Variants in KIF2C observed in about 807,000 individuals in gnomAD.
The protein encoded by KIF2C is kinesin-like protein KIF2C.
A neutral mutation model predicts 97.4 loss-of-function variants in KIF2C; 34 were observed. The observed-to-expected ratio is 0.35, with a 90% CI of 0.27 to 0.46. The LOEUF is 0.46. Ranked by LOEUF, KIF2C falls within the 20% of genes least tolerant of loss-of-function variation. The probability of loss-of-function intolerance (pLI) is 1.00; values close to 1 mark genes in which losing one functional copy is unlikely to be tolerated. For synonymous variants in KIF2C, 313 were observed against 318.2 expected (o/e 0.98, Z 0.17); for missense variants, 750 against 907.6 (o/e 0.83, Z 2.23).
chr1:44,740,082 G>T, intron 1 of KIF2C, 80 bp downstream of exon 1: 1 of 1,514,322 alleles, frequency 6.6e-7, no homozygotes, highest in Non-Finnish European at 9.2e-7. Context: ...CGGACACACA[G>T]ATGGGCTTTC....
intron 2 of KIF2C, among the ~76,000 whole-genome samples, chr1:44,743,388 A>T (rs890943212): frequency 1.3e-5 from 2 of 152,114 alleles, no homozygotes; most frequent in African/African-American, 4.8e-5. Flanking sequence ...TGTTGTGAGG[A>T]TTTACTCAGC....
chr1:44,761,243 G>C (rs1212014835), intron 16 of KIF2C, among the ~76,000 whole-genome samples: 4 of 152,176 alleles, frequency 2.6e-5, no homozygotes, highest in African/African-American at 9.7e-5. Flanking sequence ...TTCTGACTAA[G>C]CTCTACCTAA....
chr1:44,758,291 G>A, intron 13 of KIF2C, 151 bp downstream of exon 13: 1 of 661,368 alleles, frequency 1.5e-6, no homozygotes, highest in East Asian at 2.8e-5. Flanking sequence ...ACATGTAGGT[G>A]GTTTAATCTG....
chr1:44,757,144 T>A (rs985970863), intron 10 of KIF2C, among the ~76,000 whole-genome samples: 2 of 152,060 alleles, frequency 1.3e-5, no homozygotes, highest in Non-Finnish European at 2.9e-5. Context: ...CTCAAACTCC[T>A]GAGTTCAGGT....
At chr1:44,761,628 A>C (rs189719588) in intron 16 of KIF2C, among the ~76,000 whole-genome samples, 1 of 151,670 alleles carries the variant, frequency 6.6e-6, no homozygotes, top group Admixed American at 6.6e-5. Context: ...AAGAAAAAAG[A>C]AAAAGATAGG....
In KIF2C at chr1:44,760,269, C is replaced by T. The variant is rs1199383167; in HGVS notation, c.1368-11C>T. On this transcript the variant is annotated splice_polypyrimidine_tract_variant and intron_variant, in intron 14 of 20. Coordinates refer to ENST00000372224, the MANE Select transcript of KIF2C (RefSeq NM_006845.4). This position sits in a 1 kb window ranked among gnomAD's most constrained non-coding sequence, Gnocchi z 4.2. ...GTGACCACAGAATCTCATAACCTTT[C>T]TTTACCACAGAACCTCTGGGCAGAC... 10 of 1,613,434 alleles carry T rather than the reference C, an allele frequency of 6.2e-6. No individual in the cohort carries two copies. The highest frequency in any genetic ancestry group is 8.5e-6 in the Non-Finnish European group (10 of 1,179,690).
chr1:44,748,955 C>T (rs1649365677), intron 4 of KIF2C, among the ~76,000 whole-genome samples: 1 of 152,012 alleles, frequency 6.6e-6, no homozygotes, highest in African/African-American at 2.4e-5. Context: ...GCTGGGACTA[C>T]AGGCACACAC....
intron 10 of KIF2C, 56 bp from the exon 11 acceptor site, chr1:44,757,500 C>T (rs1258415361): frequency 3.6e-6 from 4 of 1,111,270 alleles, no homozygotes; most frequent in Admixed American, 3.4e-5. Flanking sequence ...GGTGGCAGGA[C>T]ATGTTCCAGG....
intron 5 of KIF2C, 137 bp from the exon 6 acceptor site, chr1:44,752,995 A>AGCACAAGCTCT (rs1553155783): frequency 1.9e-6 from 2 of 1,071,026 alleles, no homozygotes; most frequent in East Asian, 5.0e-5. Flanking sequence ...TGAAGGGAAA[A>AGCACAAGCTCT]GCACAAGCTC....
At position 44,766,837 on chromosome 1, in the gene KIF2C, C is replaced by T. The variant is rs1318123195; in HGVS notation, c.1983C>T (p.Asp661=). 1 of 1,614,208 alleles carries T rather than the reference C, an allele frequency of 6.2e-7. No individual in the cohort carries two copies. The highest frequency in any genetic ancestry group is 8.5e-7 in the Non-Finnish European group (1 of 1,180,006). ...TCCCTGTGTTGTAGCAAGGACCAGA[C>T]TGGCTTGAGCTCTCTGAGATGACCG... ...ELKEIIQQGP[D]WLELSEMTEQ... Residue 661 remains aspartate (D), a synonymous_variant, in exon 20 of 21, where the codon GAC becomes GAT. Transcript: ENST00000372224.
intron 2 of KIF2C, 70 bp from the exon 3 acceptor site, chr1:44,747,307 CAAAAAAA>C: frequency 2.0e-6 from 2 of 989,804 alleles, no homozygotes; most frequent in South Asian, 1.5e-5. Flanking sequence ...TACTCTGTCT[CAAAAAAA>C]AAAAAAAAGA....
rs748657687 is a variant in KIF2C at position 44,753,772 on chromosome 1, T to G, written c.602T>G (p.Met201Arg). 6 of 1,610,426 alleles carry G rather than the reference T, an allele frequency of 3.7e-6. No homozygotes were observed. The highest frequency in any genetic ancestry group is 1.1e-5 in the South Asian group (1 of 90,742). The change falls in exon 7 of 21, where the codon ATG becomes AGG. Residue 201 changes from methionine (M) to arginine (R), a missense_variant. Transcript: ENST00000372224. ...KSCLVKEVEK[M>R]KNKREEKKAQ... ...TGTCTTGTGAAGGAAGTGGAAAAAA[T>G]GAAGAACAAGCGAGAAGAGAAGAAG... is the stretch of plus-strand genomic sequence containing the variant.
chr1:44,756,188 T>C lies in KIF2C; in HGVS notation c.928T>C (p.Cys310Arg), dbSNP rs778787050. ...AAAGTATCTGGAGAACCAAGCATTC[T>C]GCTTTGACTTTGCATTTGATGAAAC... ...LTKYLENQAF[C>R]FDFAFDETAS... The change falls in exon 10 of 21, where the codon TGC becomes CGC. Residue 310 changes from cysteine (C) to arginine (R), a missense_variant. By Grantham distance (180) the Cys-to-Arg change is radical (BLOSUM62 -3). Coordinates refer to ENST00000372224, the MANE Select transcript of KIF2C (RefSeq NM_006845.4). 1 of 1,614,266 alleles carries C rather than the reference T, an allele frequency of 6.2e-7. No individual in the cohort carries two copies. The highest frequency in any genetic ancestry group is 1.3e-5 in the African/African-American group (1 of 75,076).
intron 4 of KIF2C, among the ~76,000 whole-genome samples, chr1:44,750,079 CAAA>C (rs67811341): frequency 5.9e-5 from 4 of 68,300 alleles, no homozygotes; most frequent in African/African-American, 1.4e-4. Flanking sequence ...CGAAACTCCT[CAAA>C]AAAAAAAAAA....
rs377140602 is a variant in KIF2C at position 44,756,066 on chromosome 1, C to T, written c.815-9C>T. On this transcript the variant is annotated splice_polypyrimidine_tract_variant and intron_variant, in intron 9 of 20. Transcript: ENST00000372224. ...AGGGAGCACCCCCTGAAATACTCTCCTTCTGCAGAATTGGCCAAGAAAGAA... is the reference window on the plus strand; with the variant it reads ...AGGGAGCACCCCCTGAAATACTCTCTTTCTGCAGAATTGGCCAAGAAAGAA... The T allele has an allele frequency of 1.2e-5, 19 of 1,614,048 alleles. No homozygotes were observed. The Admixed American group carries it at 1.7e-4, about 14-fold the overall frequency.
chr1:44,747,623 A>G, intron 3 of KIF2C, 29 bp from the exon 4 acceptor site: 1 of 1,612,010 alleles, frequency 6.2e-7, no homozygotes, highest in Non-Finnish European at 8.5e-7. Context: ...TAAGAGCCAT[A>G]TATTGTGACA....
rs570970157 is a variant in KIF2C, at chr1:44,743,233, G to T, written c.165+2226G>T. ...TAGTGGCATTGTGGTGTAGTGAAAA[G>T]GTCACTGGGCTAGGAGTATGAAAAC... On this transcript the variant is annotated intron_variant, in intron 2 of 20. Transcript: ENST00000372224. Among the ~76,000 whole-genome samples, 3 of 152,230 alleles carry T rather than the reference G, an allele frequency of 2.0e-5. No homozygotes were observed. In the East Asian group the frequency reaches 5.8e-4, roughly 29 times the overall value.
At position 44,759,309 on chromosome 1, in the gene KIF2C, A is replaced by C; in HGVS notation, c.1328A>C (p.Asp443Ala). The C allele has an allele frequency of 6.2e-7, 1 of 1,614,184 alleles. No homozygotes were observed. Among genetic ancestry groups the C allele is most frequent in the South Asian group, 1.1e-5 (1 of 91,084 alleles). ...CAGGAGCATCTGGTTAACTCTGCTG[A>C]TGATGTCATCAAGATGATCGACATG... ...GLQEHLVNSADDVIKMIDMGS... is the reference protein window; with the variant it reads ...GLQEHLVNSAADVIKMIDMGS... The change falls in exon 14 of 21, where the codon GAT becomes GCT. Residue 443 changes from aspartate to alanine, a missense_variant. By Grantham distance (126) the Asp-to-Ala change is moderately radical. Transcript: ENST00000372224.
intron 2 of KIF2C, among the ~76,000 whole-genome samples, chr1:44,743,078 C>T (rs1264304122): frequency 1.3e-5 from 2 of 152,112 alleles, no homozygotes; most frequent in African/African-American, 2.4e-5. Flanking sequence ...GCTTGGCAGC[C>T]GCAAAACAGC....
Sources: gnomAD v4.1 joint callset for allele counts (sites outside exome capture counted in the v4.1 genomes callset) on GRCh38, gnomAD v4.1.1 for gene constraint, Gnocchi (gnomAD v3.1) non-coding constraint, MANE v1.5 for transcripts, NCBI Gene and HGNC (gene_info 2026-07-23, HGNC 2026-07-21) for gene names.